Variants in TASOR2 observed in about 807,000 individuals in gnomAD.
TASOR2 encodes the protein protein TASOR 2.
Under a neutral mutation model 199.5 loss-of-function variants are expected in TASOR2, and 84 were observed. That is an observed-to-expected ratio of 0.42 (90% CI 0.35 to 0.50). The LOEUF (loss-of-function observed/expected upper bound fraction) is 0.50, where lower values mean the gene tolerates loss of function less well. Ranked by LOEUF, TASOR2 falls within the 20% of genes least tolerant of loss-of-function variation. The probability of loss-of-function intolerance (pLI) is 0.02; values close to 1 mark genes in which losing one functional copy is unlikely to be tolerated. For synonymous variants in TASOR2, 1,103 were observed against 1,046.6 expected, an observed-to-expected ratio of 1.05 and a Z score of -1.04; for missense variants, 2,796 against 2,835.9, an observed-to-expected ratio of 0.99 and a Z score of 0.32.
exon 21 of TASOR2, chr10:5,763,070 A>G (rs1042753250): frequency 4.4e-6 from 7 of 1,605,176 alleles, no homozygotes; most frequent in Non-Finnish European, 6.0e-6. Flanking sequence ...TGATGCCAAT[A>G]AAAAATTAGT....
intron 15 of TASOR2, among the ~76,000 whole-genome samples, chr10:5,755,046 C>CAA (rs34884255): frequency 0.039 from 3,037 of 77,776 alleles, 91 homozygotes; most frequent in Admixed American, 0.1. Context: ...ACTCTTGTCT[C>CAA]AAAAAAAAAA....
intron 2 of TASOR2, 66 bp from the exon 3 acceptor site, chr10:5,714,069 A>C: frequency 1.2e-6 from 1 of 864,464 alleles, no homozygotes; most frequent in Non-Finnish European, 1.5e-6. Flanking sequence ...AAAAAAAAAA[A>C]CCTTACAGAT....
At chr10:5,714,477 C>T (rs1012311510) in intron 2 of TASOR2, 7 of 270,684 alleles carry the variant, frequency 2.6e-5, no homozygotes, top group South Asian at 1.7e-4. Flanking sequence ...TAGAGCTGAC[C>T]GAACTTGGCA....
chr10:5,747,719 A>G, exon 15 of TASOR2: 1 of 1,614,220 alleles, frequency 6.2e-7, no homozygotes, highest in Non-Finnish European at 8.5e-7. Context: ...ACACAGTGTG[A>G]GAAGAGCAAC....
intron 3 of TASOR2, among the ~76,000 whole-genome samples, chr10:5,717,998 A>G (rs1832865148): frequency 6.6e-6 from 1 of 152,212 alleles, no homozygotes; most frequent in Non-Finnish European, 1.5e-5. Flanking sequence ...CTCACCTGTC[A>G]GAGCTACTTT....
At chr10:5,758,826 G>T in intron 17 of TASOR2, 61 bp from the exon 19 acceptor site, 1 of 1,231,128 alleles carries the variant, frequency 8.1e-7, no homozygotes, top group Non-Finnish European at 1.2e-6. Flanking sequence ...CACTGGGCTT[G>T]GCATGAGCCA....
rs1294842104 is a variant in TASOR2 at position 5,749,810 on chromosome 10, T to G, written c.6389T>G (p.Phe2130Cys). Residue 2130 changes from phenylalanine (F) to cysteine (C), a missense_variant, in exon 15 of 21, where the codon TTC becomes TGC. Transcript: ENST00000328090. ...ATGAAGAATAGCAACCAATTCATTT[T>G]CCAAGACAAAGAGCTAAATGATGTT... 3.1e-6 allele frequency: 5 copies of G among 1,614,028 alleles called. No individual in the cohort carries two copies. In the African/African-American group the frequency reaches 6.7e-5, roughly 22 times the overall value.
chr10:5,758,291 A>G (rs567655622), intron 17 of TASOR2, among the ~76,000 whole-genome samples: 1 of 152,174 alleles, frequency 6.6e-6, no homozygotes, highest in African/African-American at 2.4e-5. Context: ...CTGTAATCCC[A>G]ACACTTTGGG....
exon 8 of TASOR2, chr10:5,724,432 T>G (rs572525463): frequency 6.6e-7 from 1 of 1,509,522 alleles, no homozygotes; most frequent in East Asian, 2.6e-5. Context: ...CTCTACAGTC[T>G]GTTTTCAAGA....
Position 5,699,821 on chromosome 10 carries a change from C to T in TASOR2, c.-287-13002C>T. On this transcript the variant is annotated intron_variant, in intron 1 of 20. Transcript: ENST00000328090. The surrounding 1 kb of genome is among the most constrained non-coding windows in gnomAD (Gnocchi z 4.1). ...GAGAAAAATGAGTAAAACAGGTACACATTTATTTTTATTGATGCGTAATAG... is the reference window on the plus strand; with the variant it reads ...GAGAAAAATGAGTAAAACAGGTACATATTTATTTTTATTGATGCGTAATAG... The T allele has an allele frequency of 6.1e-6, 5 of 815,820 alleles. No individual in the cohort carries two copies. The highest frequency in any genetic ancestry group is 7.4e-6 in the Non-Finnish European group (5 of 675,586). The allele number at this position is 815,820 out of a possible 1,614,324, so 50.5% of individuals were successfully genotyped here. A position where few individuals can be genotyped will look rare whatever the true frequency, so the allele number is the denominator to read the frequency against.
Position 5,720,315 on chromosome 10 carries a change from C to A in TASOR2, c.-99-229C>A, listed in dbSNP as rs946805980. 8.1e-6 allele frequency: 8 copies of A among 985,138 alleles called. No homozygotes were observed. The highest frequency in any genetic ancestry group is 9.6e-6 in the Non-Finnish European group (8 of 829,768). The allele number at this position is 985,138 out of a possible 1,614,324, so 61.0% of individuals were successfully genotyped here. A position where few individuals can be genotyped will look rare whatever the true frequency, so the allele number is the denominator to read the frequency against. Reference sequence around the variant, plus strand: ...ACAACTAACTATACTAAGCCATCTTCTGGCTATGATTGCCACGTGTCTGAA... The same window carrying A: ...ACAACTAACTATACTAAGCCATCTTATGGCTATGATTGCCACGTGTCTGAA... On this transcript the variant is annotated intron_variant, in intron 3 of 20. Transcript: ENST00000328090. The surrounding 1 kb of genome is among the most constrained non-coding windows in gnomAD (Gnocchi z 5.3).
rs1457667604 is a variant in TASOR2 at position 5,705,104 on chromosome 10, T to A, written c.-287-7719T>A. ...GTGATGACTACACCAATAAAAATAG[T>A]GTGTGTCCATCACCCCAGAAAGTTC... On this transcript the variant is annotated intron_variant, in intron 1 of 20. Transcript: ENST00000328090. Among the ~76,000 whole-genome samples the A allele has an allele frequency of 2.0e-5, 3 of 152,208 alleles. No homozygotes were observed. In the East Asian group the frequency reaches 5.8e-4, roughly 29 times the overall value.
intron 1 of TASOR2, among the ~76,000 whole-genome samples, chr10:5,711,279 G>A (rs1266083999): frequency 1.3e-5 from 2 of 152,054 alleles, no homozygotes; most frequent in African/African-American, 4.8e-5. Context: ...TTCTGAGATA[G>A]TCTAGTTTTT....
chr10:5,754,898 TAGC>T lies in TASOR2; in HGVS notation c.6607-1714_6607-1712del, dbSNP rs1300926240. On this transcript the variant is annotated intron_variant, in intron 15 of 20. Coordinates refer to ENST00000328090, the Ensembl canonical transcript of TASOR2. This position sits in a 1 kb window ranked among gnomAD's most constrained non-coding sequence, Gnocchi z 4.3. Reference sequence around the variant, plus strand: ...CTCTACTAAAAATACAAAAAGAAATTAGCTGGGCGTGGTGGCGGGTGCCTGTAG... The same window carrying T: ...CTCTACTAAAAATACAAAAAGAAATTTGGGCGTGGTGGCGGGTGCCTGTAG... Among the ~76,000 whole-genome samples the T allele has an allele frequency of 6.6e-6, 1 of 151,264 alleles. No individual in the cohort carries two copies. Among genetic ancestry groups the T allele is most frequent in the Non-Finnish European group, 1.5e-5 (1 of 67,830 alleles).
chr10:5,733,200 C>G (rs1183221601), intron 11 of TASOR2, among the ~76,000 whole-genome samples: 1 of 152,142 alleles, frequency 6.6e-6, no homozygotes, highest in Non-Finnish European at 1.5e-5. Context: ...CTGATACCTT[C>G]TATTCTGTTT....
chr10:5,757,490 C>T (rs1839133111), intron 16 of TASOR2, 30 bp from the exon 18 acceptor site: 2 of 1,576,496 alleles, frequency 1.3e-6, no homozygotes, highest in South Asian at 1.2e-5. Flanking sequence ...GTGAGCCTCT[C>T]TTCACCGGGG....
rs1286254904 is a variant in TASOR2 at position 5,740,421 on chromosome 10, A to G, written c.2251A>G (p.Thr751Ala). 6.2e-7 allele frequency: 1 copy of G among 1,614,188 alleles called. No homozygotes were observed. The highest frequency in any genetic ancestry group is 1.1e-5 in the South Asian group (1 of 91,090). ...CGTTAAGATCACTTTCAAATGTGAAACAGAATATGCATTCAGTTTAGACAG... is the reference window on the plus strand; with the variant it reads ...CGTTAAGATCACTTTCAAATGTGAAGCAGAATATGCATTCAGTTTAGACAG... The change falls in exon 13 of 21, where the codon ACA becomes GCA. Residue 751 changes from threonine (T) to alanine (A), a missense_variant. Thr to Ala is a moderately conservative substitution (Grantham distance 58, BLOSUM62 0). Around this residue, in one of 3 missense-constraint regions of TASOR2, gnomAD observed 847 missense variants for 887.4 expected, o/e 0.95. Coordinates refer to ENST00000328090, the Ensembl canonical transcript of TASOR2. The surrounding 1 kb of genome is among the most constrained non-coding windows in gnomAD (Gnocchi z 5.3).
At position 5,706,592 on chromosome 10, in the gene TASOR2, A is replaced by T. The variant is rs974313049; in HGVS notation, c.-287-6231A>T. ...TTAGTTCTCTAGAATTTCAAGCTGA[A>T]ATAATGATTGGTAACTGAAAATTAA... is the stretch of plus-strand genomic sequence containing the variant. On this transcript the variant is annotated intron_variant, in intron 1 of 20. Transcript: ENST00000328090. This position sits in a 1 kb window ranked among gnomAD's most constrained non-coding sequence, Gnocchi z 4.8. Among the ~76,000 whole-genome samples the T allele has an allele frequency of 5.3e-5, 8 of 152,246 alleles. No individual in the cohort carries two copies. The highest frequency in any genetic ancestry group is 3.9e-4 in the Admixed American group (6 of 15,280).
In TASOR2 at chr10:5,717,654, T is replaced by C; in HGVS notation, c.-191-5T>C. 1 of 1,179,362 alleles carries C rather than the reference T, an allele frequency of 8.5e-7. No individual in the cohort carries two copies. The highest frequency in any genetic ancestry group is 1.1e-6 in the Non-Finnish European group (1 of 939,954). The allele number at this position is 1,179,362 out of a possible 1,614,324, so 73.1% of individuals were successfully genotyped here. A position where few individuals can be genotyped will look rare whatever the true frequency, so the allele number is the denominator to read the frequency against. ...CTGCTTAATCTATATTTTATACTTT[T>C]ACAGGTGTATACATTTCCAAATACT... is the stretch of plus-strand genomic sequence containing the variant. On this transcript the variant is annotated splice_polypyrimidine_tract_variant and splice_region_variant and intron_variant, in intron 2 of 20. Transcript: ENST00000328090.
Sources: gnomAD v4.1 joint callset for allele counts (sites outside exome capture counted in the v4.1 genomes callset) on GRCh38, gnomAD v4.1.1 for gene constraint, gnomAD v4.1.1 regional missense constraint, Gnocchi (gnomAD v3.1) non-coding constraint, MANE v1.5 for transcripts, NCBI Gene and HGNC (gene_info 2026-07-23, HGNC 2026-07-21) for gene names.